The following SGCE variants were observed in gnomAD, a reference collection of about 807,000 sequenced individuals.
SGCE encodes the protein epsilon-sarcoglycan.
Under a neutral mutation model 57.8 loss-of-function variants are expected in SGCE, and 26 were observed. The observed-to-expected ratio is 0.45, with a 90% CI of 0.33 to 0.62. The LOEUF is 0.62. Among genes scored for constraint, SGCE ranks in the 20% least tolerant of loss-of-function variants. SGCE has a pLI of 0.02. For missense variants in SGCE, 468 were observed against 548.6 expected (o/e 0.85, Z 1.47); for synonymous variants, 183 against 189.5 (o/e 0.97, Z 0.28).
chr7:94,637,919 G>C (rs1317914710), intron 1 of SGCE, among the ~76,000 whole-genome samples: 1 of 152,174 alleles, frequency 6.6e-6, no homozygotes, highest in East Asian at 1.9e-4. Context: ...GTGCAGTGCA[G>C]ACTGCAACAG....
At chr7:94,585,732 A>G (rs1181571444) in intron 10 of SGCE, among the ~76,000 whole-genome samples, 1 of 152,206 alleles carries the variant, frequency 6.6e-6, no homozygotes, top group African/African-American at 2.4e-5. Context: ...GACCAAAGCT[A>G]TAATATTTTG....
Position 94,656,013 on chromosome 7 carries a change from G to A in SGCE, c.86C>T (p.Thr29Ile). The A allele has an allele frequency of 6.2e-7, 1 of 1,611,612 alleles. No homozygotes were observed. Among genetic ancestry groups the A allele is most frequent in the Non-Finnish European group, 8.5e-7 (1 of 1,177,976 alleles). The change falls in exon 1 of 11, where the codon ACC becomes ATC. Residue 29 changes from threonine (T) to isoleucine (I), a missense_variant. Coordinates refer to ENST00000648936, the MANE Select transcript of SGCE (RefSeq NM_003919.3). Reference sequence around the variant, plus strand: ...ACCTGTCAGCAAGAATGTGCCAGTGGTCGCGGGGCTCATCCTGCGTGTCCC... The same window carrying A: ...ACCTGTCAGCAAGAATGTGCCAGTGATCGCGGGGCTCATCCTGCGTGTCCC... ...GRGTRRMSPA[T>I]TGTFLLTVYS...
intron 3 of SGCE, 171 bp from the exon 4 acceptor site, chr7:94,623,568 T>A (rs1803184479): frequency 1.7e-6 from 1 of 595,486 alleles, no homozygotes; most frequent in Non-Finnish European, 3.0e-6. Flanking sequence ...TTTAGCAATA[T>A]TATGGGAAAA....
At chr7:94,587,579 G>A in intron 10 of SGCE, 2 of 1,372,864 alleles carry the variant, frequency 1.5e-6, no homozygotes, top group African/African-American at 1.5e-5. Flanking sequence ...TCTCTCTTTA[G>A]GTGACTCATT....
intron 5 of SGCE, among the ~76,000 whole-genome samples, chr7:94,605,169 A>G (rs1348711146): frequency 2.0e-5 from 3 of 152,116 alleles, no homozygotes; most frequent in Non-Finnish European, 4.4e-5. Flanking sequence ...TCACACCGGA[A>G]TCAGATATGG....
rs778866625 is a variant in SGCE, at chr7:94,585,503, G to A, written c.1310C>T (p.Pro437Leu). 7.5e-6 allele frequency: 12 copies of A among 1,605,420 alleles called. No individual in the cohort carries two copies. The highest frequency in any genetic ancestry group is 4.4e-5 in the South Asian group (4 of 90,880). Residue 437 changes from proline (P) to leucine (L), a missense_variant, in exon 11 of 11, where the codon CCC becomes CTC. Transcript: ENST00000648936. ...PQQQTTGKWY[P>L] is the part of the protein sequence containing the mutation. The stretch of plus-strand genomic sequence containing the variant: ...GCTTCAGTCAGTTTTCTTTCTTCAG[G>A]GATACCATTTACCTGCAATGTGTAA...
At chr7:94,628,909 T>C (rs1234192818) in intron 2 of SGCE, 4 of 156,080 alleles carry the variant, frequency 2.6e-5, no homozygotes, top group Admixed American at 1.9e-4. Context: ...TATTAGCACA[T>C]CCTGGCCCTG....
At chr7:94,614,336 A>G (rs1322506039) in intron 5 of SGCE, among the ~76,000 whole-genome samples, 1 of 152,184 alleles carries the variant, frequency 6.6e-6, no homozygotes, top group Non-Finnish European at 1.5e-5. Flanking sequence ...CATTTCCTCC[A>G]TTCAGTCTTC....
rs1805504290 is a variant in SGCE at position 94,635,610 on chromosome 7, T to C, written c.110-5769A>G. On this transcript the variant is annotated intron_variant, in intron 1 of 10. Coordinates refer to ENST00000648936, the MANE Select transcript of SGCE (RefSeq NM_003919.3). ...TGCATCAAAAGAACTCATTTCAAAG[T>C]TTGCATAGCCTGATACATTTATGGA... is the stretch of plus-strand genomic sequence containing the variant. Among the ~76,000 whole-genome samples the C allele has an allele frequency of 2.6e-5, 4 of 152,376 alleles. No homozygotes were observed. In the South Asian group the frequency reaches 8.3e-4, roughly 32 times the overall value.
chr7:94,592,348 G>C (rs1437583110), intron 9 of SGCE, among the ~76,000 whole-genome samples: 1 of 152,156 alleles, frequency 6.6e-6, no homozygotes, highest in Non-Finnish European at 1.5e-5. Context: ...TCTTTGGTGA[G>C]AGCAGGCTGC....
rs1167365245 is a variant in SGCE, at chr7:94,655,360, C to T, written c.109+630G>A. The stretch of plus-strand genomic sequence containing the variant: ...GGCCTCCAGCCGGGGTTAACCCTGA[C>T]CTGAACGCCCTGTTTAGCTCCCAGC... On this transcript the variant is annotated intron_variant, in intron 1 of 10. Coordinates refer to ENST00000648936, the MANE Select transcript of SGCE (RefSeq NM_003919.3). Among the ~76,000 whole-genome samples the T allele has an allele frequency of 3.3e-5, 5 of 152,244 alleles. No homozygotes were observed. The South Asian group carries it at 1.0e-3, about 32-fold the overall frequency.
intron 5 of SGCE, among the ~76,000 whole-genome samples, chr7:94,607,705 A>G (rs773483471): frequency 2.6e-4 from 40 of 152,222 alleles, no homozygotes; most frequent in Non-Finnish European, 5.0e-4. Flanking sequence ...AAGTTTTCCT[A>G]CTAGTATCAG....
At chr7:94,648,183 G>A (rs931927500) in intron 1 of SGCE, among the ~76,000 whole-genome samples, 4 of 151,886 alleles carry the variant, frequency 2.6e-5, no homozygotes, top group Non-Finnish European at 5.9e-5. Flanking sequence ...GACCAGCCTG[G>A]CCAACGTGGT....
At chr7:94,617,512 A>G (rs1311195769) in intron 5 of SGCE, 1 of 152,200 alleles carries the variant, frequency 6.6e-6, no homozygotes. Flanking sequence ...AGATACCCCC[A>G]TTCATCTCAT....
In SGCE at chr7:94,656,010, G is replaced by C. The variant is rs1808618481; in HGVS notation, c.89C>G (p.Thr30Ser). The stretch of plus-strand genomic sequence containing the variant: ...CTAACCTGTCAGCAAGAATGTGCCA[G>C]TGGTCGCGGGGCTCATCCTGCGTGT... ...RGTRRMSPAT[T>S]GTFLLTVYSI... Residue 30 changes from threonine (T) to serine (S), a missense_variant, in exon 1 of 11, where the codon ACT becomes AGT. Coordinates refer to ENST00000648936, the MANE Select transcript of SGCE (RefSeq NM_003919.3). The C allele has an allele frequency of 6.2e-7, 1 of 1,610,596 alleles. No homozygotes were observed.
chr7:94,626,851 C>G (rs796664992), intron 3 of SGCE: 1 of 152,044 alleles, frequency 6.6e-6, no homozygotes, highest in African/African-American at 2.4e-5. Flanking sequence ...AATTAAGGAA[C>G]TTCACTTCTA....
chr7:94,655,874 CAGAA>C (rs1808582643), intron 1 of SGCE, 112 bp downstream of exon 1: 2 of 697,568 alleles, frequency 2.9e-6, no homozygotes, highest in Non-Finnish European at 5.2e-6. Flanking sequence ...GGGTCCGGGA[CAGAA>C]AGAGAGGCTG....
At chr7:94,600,552 T>C in intron 7 of SGCE, 94 bp downstream of exon 7, 2 of 883,700 alleles carry the variant, frequency 2.3e-6, no homozygotes, top group Admixed American at 2.1e-5. Context: ...ACAAAGTGTT[T>C]TATGAACCAA....
chr7:94,588,904 G>C, intron 9 of SGCE, 172 bp from the exon 10 acceptor site: 1 of 675,482 alleles, frequency 1.5e-6, no homozygotes, highest in East Asian at 2.8e-5. Flanking sequence ...GAGGTCTGAG[G>C]AGAATAAAAA....
Sources: allele counts gnomAD v4.1 joint callset (sites outside exome capture counted in the v4.1 genomes callset), GRCh38; gene constraint gnomAD v4.1.1; transcripts MANE v1.5; gene names NCBI Gene and HGNC (gene_info 2026-07-23, HGNC 2026-07-21).